NKAIN4: variants seen among roughly 807,000 people sequenced by gnomAD.
NKAIN4 encodes the protein sodium/potassium-transporting ATPase subunit beta-1-interacting protein 4.
A neutral mutation model predicts 28.8 loss-of-function variants in NKAIN4; 28 were observed. The observed-to-expected ratio is 0.97, with a 90% CI of 0.72 to 1.33. The LOEUF is 1.33. Among genes scored for constraint, NKAIN4 ranks in the 40% most tolerant of loss-of-function variants. The pLI, the probability that NKAIN4 is intolerant of heterozygous loss-of-function variation, is 0.00. For synonymous variants in NKAIN4, 122 were observed against 115.6 expected (o/e 1.06, Z -0.36); for missense variants, 289 against 277.2 (o/e 1.04, Z -0.30).
At chr20:63,242,267 G>C (rs558441270) in intron 6 of NKAIN4, among the ~76,000 whole-genome samples, 1 of 152,006 alleles carries the variant, frequency 6.6e-6, no homozygotes, top group Non-Finnish European at 1.5e-5. Flanking sequence ...ACTCAGAGCC[G>C]ACTCCTGGAC....
chr20:63,241,887 G>A (rs954829601), intron 6 of NKAIN4: 5 of 388,830 alleles, frequency 1.3e-5, no homozygotes, highest in Non-Finnish European at 2.0e-5. Flanking sequence ...TACCTTGAAC[G>A]GCCCCTGCCG....
chr20:63,254,267 C>T (rs1423669702), intron 1 of NKAIN4, 130 bp downstream of exon 1: 3 of 703,174 alleles, frequency 4.3e-6, no homozygotes, highest in Non-Finnish European at 6.2e-6. Context: ...GGGTCCGAGG[C>T]ATCCCCCCTC....
chr20:63,249,657 C>T (rs2123112379), intron 2 of NKAIN4, among the ~76,000 whole-genome samples: 1 of 152,302 alleles, frequency 6.6e-6, no homozygotes, highest in African/African-American at 2.4e-5. Context: ...GCACCCAGAT[C>T]CCTGGCTACT....
rs555765679 is a variant in NKAIN4 at position 63,244,036 on chromosome 20, C to T, written c.520G>A (p.Glu174Lys). The change falls in exon 5 of 7, where the codon GAA becomes AAA. Residue 174 changes from glutamate to lysine, a missense_variant. Transcript: ENST00000370316. ...GCCCCATACTCACAGCTGTCCTCTT[C>T]CTCCGTAAACACGCTGACCACCTGG... Reference protein sequence around the residue: ...GCQVVSVFTEEEDSFDFIGGF... With the variant: ...GCQVVSVFTEKEDSFDFIGGF... 3.7e-6 allele frequency: 6 copies of T among 1,613,660 alleles called. No homozygotes were observed. The highest frequency in any genetic ancestry group is 2.7e-5 in the African/African-American group (2 of 75,070).
In NKAIN4 at chr20:63,252,828, G is replaced by C. The variant is rs1333976268; in HGVS notation, c.54+1569C>G. ...ACTGTCCACCGCAGAGGTGAAACGGGAACATGACCCCACCCGCCCCTCTGC... is the reference window on the plus strand; with the variant it reads ...ACTGTCCACCGCAGAGGTGAAACGGCAACATGACCCCACCCGCCCCTCTGC... On this transcript the variant is annotated intron_variant, in intron 1 of 6. Transcript: ENST00000370316. This position sits in a 1 kb window ranked among gnomAD's most constrained non-coding sequence, Gnocchi z 4.6. Among the ~76,000 whole-genome samples the C allele has an allele frequency of 6.6e-6, 1 of 152,080 alleles. No homozygotes were observed. Among genetic ancestry groups the C allele is most frequent in the African/African-American group, 2.4e-5 (1 of 41,394 alleles).
intron 5 of NKAIN4, among the ~76,000 whole-genome samples, chr20:63,242,878 G>GGGACAT (rs1490434092): frequency 1.3e-5 from 2 of 150,582 alleles, no homozygotes; most frequent in African/African-American, 4.9e-5. Flanking sequence ...AGCCTGTGCG[G>GGGACAT]GGACATGGCC....
intron 1 of NKAIN4, among the ~76,000 whole-genome samples, chr20:63,253,019 C>T (rs1400310411): frequency 1.3e-5 from 2 of 152,206 alleles, no homozygotes; most frequent in Non-Finnish European, 2.9e-5. Flanking sequence ...AGCAGCCTCA[C>T]TTCCTGACGC....
At chr20:63,246,403 G>A (rs372096731) in intron 4 of NKAIN4, among the ~76,000 whole-genome samples, 16 of 152,324 alleles carry the variant, frequency 1.1e-4, no homozygotes, top group East Asian at 9.7e-4. Flanking sequence ...AACAGGCCCC[G>A]ACTGGAGCTG....
chr20:63,249,555 G>A (rs544094494), intron 2 of NKAIN4, among the ~76,000 whole-genome samples: 4 of 152,296 alleles, frequency 2.6e-5, no homozygotes, highest in African/African-American at 9.6e-5. Context: ...AGGACAGTAT[G>A]GCCAGGGGTC....
At chr20:63,247,114 G>GTATCATTAA in intron 4 of NKAIN4, 1 of 1,046,508 alleles carries the variant, frequency 9.6e-7, no homozygotes, top group African/African-American at 1.7e-5. Flanking sequence ...CAGGGTTCCC[G>GTATCATTAA]ACAAGGCTGA....
At chr20:63,254,500 C>A, upstream of NKAIN4, 2 of 1,238,856 alleles carry the variant, frequency 1.6e-6, no homozygotes, top group Non-Finnish European at 2.0e-6. Flanking sequence ...TCGGCCCCCG[C>A]CCCCGCTCCG....
Position 63,241,363 on chromosome 20 carries a change from C to A in NKAIN4, c.*134G>T. ...CCTGGCTGGTGTCCAGTACTTAGAA[C>A]CCAGGGCAGGTGCTGCCGGCCGCCT... On this transcript the variant is annotated 3_prime_UTR_variant, in exon 7 of 7. Transcript: ENST00000370316. The A allele has an allele frequency of 2.3e-6, 2 of 872,230 alleles. No homozygotes were observed. The highest frequency in any genetic ancestry group is 3.7e-6 in the Non-Finnish European group (2 of 535,398). The allele number at this position is 872,230 out of a possible 1,614,324, so 54.0% of individuals were successfully genotyped here.
At position 63,241,092 on chromosome 20, in the gene NKAIN4, G is replaced by A. The variant is rs2066742042; in HGVS notation, c.*405C>T. 1 of 222,384 alleles carries A rather than the reference G, an allele frequency of 4.5e-6. No individual in the cohort carries two copies. The highest frequency in any genetic ancestry group is 6.0e-5 in the South Asian group (1 of 16,550). 13.8% of individuals were successfully genotyped at this position (222,384 alleles called of 1,614,324 possible). ...GGGCCTCACATTGACTTCCTGGGGA[G>A]GCTGCATCCCAGCAGCAGTGCTTGC... On this transcript the variant is annotated 3_prime_UTR_variant, in exon 7 of 7. Transcript: ENST00000370316.
Position 63,247,779 on chromosome 20 carries a change from G to A in NKAIN4, c.274-4C>T, listed in dbSNP as rs2066888151. ...TGAAGGTCAGTAGCTCGCTGTCCTAGGGGAGAGGTGCAGGAGCAGGGCCGG... is the reference window on the plus strand; with the variant it reads ...TGAAGGTCAGTAGCTCGCTGTCCTAAGGGAGAGGTGCAGGAGCAGGGCCGG... On this transcript the variant is annotated splice_region_variant and splice_polypyrimidine_tract_variant and intron_variant, in intron 3 of 6. Coordinates refer to ENST00000370316, the MANE Select transcript of NKAIN4 (RefSeq NM_152864.4). The A allele has an allele frequency of 2.1e-6, 3 of 1,448,718 alleles. No individual in the cohort carries two copies. The highest frequency in any genetic ancestry group is 2.7e-6 in the Non-Finnish European group (3 of 1,096,494). 89.7% of individuals were successfully genotyped at this position (1,448,718 alleles called of 1,614,324 possible). A position where few individuals can be genotyped will look rare whatever the true frequency, so the allele number is the denominator to read the frequency against.
intron 1 of NKAIN4, chr20:63,253,432 C>T: frequency 1.0e-6 from 1 of 985,546 alleles, no homozygotes; most frequent in Non-Finnish European, 1.2e-6. Context: ...GCTGCACAGC[C>T]ACGGACTCCG....
intron 2 of NKAIN4, chr20:63,249,173 C>T (rs1411329547): frequency 1.7e-5 from 8 of 458,254 alleles, no homozygotes; most frequent in East Asian, 1.3e-4. Flanking sequence ...GACACAGCAT[C>T]CCTGGCTGAG....
At chr20:63,251,150 C>T (rs1352215956) in intron 1 of NKAIN4, among the ~76,000 whole-genome samples, 1 of 146,622 alleles carries the variant, frequency 6.8e-6, no homozygotes. Context: ...GCCTGGCAGC[C>T]GAGGCAGAGA....
At chr20:63,250,218 G>A in intron 1 of NKAIN4, 146 bp from the exon 2 acceptor site, 1 of 877,682 alleles carries the variant, frequency 1.1e-6, no homozygotes, top group African/African-American at 1.7e-5. Context: ...AAGGACACCA[G>A]GGCTGTAACT....
intron 4 of NKAIN4, chr20:63,244,570 G>A: frequency 2.1e-6 from 1 of 470,924 alleles, no homozygotes; most frequent in South Asian, 1.5e-5. Context: ...CAAAGTGCAG[G>A]AGAGACAGGC....
Sources: gnomAD v4.1 joint callset for allele counts (sites outside exome capture counted in the v4.1 genomes callset) on GRCh38, gnomAD v4.1.1 for gene constraint, Gnocchi (gnomAD v3.1) non-coding constraint, MANE v1.5 for transcripts, NCBI Gene and HGNC (gene_info 2026-07-23, HGNC 2026-07-21) for gene names.